Variants in WWOX observed in about 807,000 individuals in gnomAD.
WWOX encodes WW domain containing oxidoreductase, also known as WW domain-containing oxidoreductase.
A neutral mutation model predicts 46.2 loss-of-function variants in WWOX; 69 were observed. That is an observed-to-expected ratio of 1.49 (90% confidence interval 1.23 to 1.82). The LOEUF (loss-of-function observed/expected upper bound fraction) is 1.82, where lower values mean the gene tolerates loss of function less well. Ranked by LOEUF, WWOX falls within the 40% of genes most tolerant of loss-of-function variation. WWOX has a pLI of 0.00. For missense variants in WWOX, 919 were observed against 542.6 expected (o/e 1.69, Z -6.89); for synonymous variants, 359 against 202.6 (o/e 1.77, Z -6.56).
At chr16:78,723,007 A>C (rs572402098) in intron 8 of WWOX, among the ~76,000 whole-genome samples, 1 of 152,080 alleles carries the variant, frequency 6.6e-6, no homozygotes, top group Non-Finnish European at 1.5e-5. Context: ...ACACTGGAGC[A>C]CTCCAGCCTG....
intron 8 of WWOX, among the ~76,000 whole-genome samples, chr16:78,758,254 A>G (rs1282851312): frequency 2.0e-5 from 3 of 152,192 alleles, no homozygotes; most frequent in Non-Finnish European, 4.4e-5. Flanking sequence ...CCATGTAGCT[A>G]TTATTACCAG....
intron 8 of WWOX, among the ~76,000 whole-genome samples, chr16:78,502,272 C>T (rs959793202): frequency 6.6e-6 from 1 of 152,160 alleles, no homozygotes; most frequent in African/African-American, 2.4e-5. Flanking sequence ...TTTGCATCCA[C>T]CATCACAATC....
In WWOX at chr16:78,921,501, CA is replaced by C. The variant is rs569577968; in HGVS notation, c.1057-290104del. Among the ~76,000 whole-genome samples the C allele has an allele frequency of 2.1e-3, 314 of 152,292 alleles. 1 individual carries two copies. Among genetic ancestry groups the C allele is most frequent in the African/African-American group, 7.2e-3 (298 of 41,552 alleles). ...TAATTGAAAAAGAGATTGCCATTTT[CA>C]AAGACCTTTCACAGTCATTCTCTTA... On this transcript the variant is annotated intron_variant, in intron 8 of 8. Coordinates refer to ENST00000566780, the MANE Select transcript of WWOX (RefSeq NM_016373.4).
chr16:78,446,600 C>T (rs1245191925), intron 8 of WWOX, among the ~76,000 whole-genome samples: 1 of 148,322 alleles, frequency 6.7e-6, no homozygotes, highest in Non-Finnish European at 1.5e-5. Context: ...ATAAAAATTA[C>T]TTATGATATG....
chr16:78,982,964 G>A (rs902207639), intron 8 of WWOX, among the ~76,000 whole-genome samples: 25 of 152,132 alleles, frequency 1.6e-4, no homozygotes, highest in Non-Finnish European at 3.2e-4. Context: ...GTTTGCAATG[G>A]GAGAAGCAGT....
chr16:79,072,849 C>G (rs2048577322), intron 8 of WWOX, among the ~76,000 whole-genome samples: 1 of 152,078 alleles, frequency 6.6e-6, no homozygotes, highest in Non-Finnish European at 1.5e-5. Flanking sequence ...TCTTTAGAAC[C>G]AGAATGTGTG....
intron 8 of WWOX, among the ~76,000 whole-genome samples, chr16:78,492,819 G>T (rs1227116862): frequency 3.9e-5 from 6 of 152,042 alleles, no homozygotes; most frequent in African/African-American, 1.5e-4. Context: ...AATTTCTGGG[G>T]GCCTCATGCC....
At chr16:79,000,137 C>G (rs553128115) in intron 8 of WWOX, among the ~76,000 whole-genome samples, 1 of 152,246 alleles carries the variant, frequency 6.6e-6, no homozygotes, top group South Asian at 2.1e-4. Context: ...CTCCTTTGTC[C>G]AGACACATTT....
Position 78,151,226 on chromosome 16 carries a change from A to G in WWOX, c.410-12957A>G, listed in dbSNP as rs116236941. ...GTGCCAGGAACCTGGATGAAGACCCAGTATGTATTTCTTATTATATCACAA... is the reference window on the plus strand; with the variant it reads ...GTGCCAGGAACCTGGATGAAGACCCGGTATGTATTTCTTATTATATCACAA... On this transcript the variant is annotated intron_variant, in intron 4 of 8. Transcript: ENST00000566780. 3.4e-3 allele frequency among the ~76,000 whole-genome samples: 512 copies of G among 152,174 alleles called. 4 individuals carry two copies. Among genetic ancestry groups the G allele is most frequent in the African/African-American group, 0.012 (481 of 41,508 alleles).
At chr16:78,524,400 ATTTATTTG>A (rs143125360) in intron 8 of WWOX, among the ~76,000 whole-genome samples, 14,202 of 125,032 alleles carry the variant, frequency 0.11, 951 homozygotes, top group African/African-American at 0.21. Flanking sequence ...TTATTTATTT[ATTTATTTG>A]TTTATTTATT....
chr16:78,843,177 C>G (rs1218197548), intron 8 of WWOX, among the ~76,000 whole-genome samples: 1 of 149,858 alleles, frequency 6.7e-6, no homozygotes, highest in Non-Finnish European at 1.5e-5. Context: ...AGCCACTGTC[C>G]TAGGAGAGGA....
At chr16:79,097,348 C>CTT (rs545489914) in intron 8 of WWOX, among the ~76,000 whole-genome samples, 7,568 of 136,860 alleles carry the variant, frequency 0.055, 244 homozygotes, top group African/African-American at 0.081. Context: ...GGCTCCAAAA[C>CTT]TTTTTTTTTT....
intron 8 of WWOX, among the ~76,000 whole-genome samples, chr16:78,852,865 T>A (rs58568347): frequency 0.012 from 1,841 of 152,340 alleles, 38 homozygotes; most frequent in African/African-American, 0.042. Context: ...TAATAAATTC[T>A]TTGTTCCCTC....
intron 8 of WWOX, among the ~76,000 whole-genome samples, chr16:78,707,227 T>A (rs1176350608): frequency 6.6e-6 from 1 of 152,198 alleles, no homozygotes; most frequent in East Asian, 1.9e-4. Context: ...CCATCAGTCT[T>A]TTGGGAATAA....
chr16:78,189,398 C>G lies in WWOX; in HGVS notation c.516+25109C>G, dbSNP rs74745508. Among the ~76,000 whole-genome samples the G allele has an allele frequency of 2.6e-5, 4 of 152,202 alleles. No homozygotes were observed. The South Asian group carries it at 8.3e-4, about 32-fold the overall frequency. ...TGTAACATGGAGATTGTCCTTGTCTCCATCGCTGTCTTTACTGGTGTATGC... is the reference window on the plus strand; with the variant it reads ...TGTAACATGGAGATTGTCCTTGTCTGCATCGCTGTCTTTACTGGTGTATGC... On this transcript the variant is annotated intron_variant, in intron 5 of 8. Transcript: ENST00000566780.
intron 8 of WWOX, among the ~76,000 whole-genome samples, chr16:78,967,837 T>A (rs527726713): frequency 1.2e-4 from 18 of 151,564 alleles, no homozygotes; most frequent in Non-Finnish European, 1.8e-4. Context: ...AGGATGGGAG[T>A]GATGCCACAT....
In WWOX at chr16:78,777,480, G is replaced by T. The variant is rs138109505; in HGVS notation, c.1056+344728G>T. 1.5e-3 allele frequency among the ~76,000 whole-genome samples: 227 copies of T among 152,264 alleles called. 1 individual carries two copies. Among genetic ancestry groups the T allele is most frequent in the African/African-American group, 5.1e-3 (211 of 41,560 alleles). ...TATTGGAAAGCACAGAGTAGACATTGCAAATACAGACGTAGAAAGACACCG... is the reference window on the plus strand; with the variant it reads ...TATTGGAAAGCACAGAGTAGACATTTCAAATACAGACGTAGAAAGACACCG... On this transcript the variant is annotated intron_variant, in intron 8 of 8. Transcript: ENST00000566780.
At chr16:78,431,558 TTTAA>T (rs2083217697) in intron 7 of WWOX, among the ~76,000 whole-genome samples, 1 of 152,216 alleles carries the variant, frequency 6.6e-6, no homozygotes. Context: ...TTCTGTTTAA[TTTAA>T]TTATCTTTGA....
intron 8 of WWOX, among the ~76,000 whole-genome samples, chr16:78,588,612 G>A (rs895204879): frequency 2.0e-5 from 3 of 152,172 alleles, no homozygotes; most frequent in Non-Finnish European, 4.4e-5. Flanking sequence ...GGATACTGAG[G>A]CTCAGAGAAA....
Sources: allele counts gnomAD v4.1 joint callset (sites outside exome capture counted in the v4.1 genomes callset), GRCh38; gene constraint gnomAD v4.1.1; transcripts MANE v1.5; gene names NCBI Gene and HGNC (gene_info 2026-07-23, HGNC 2026-07-21).